RAB30: variants seen among roughly 807,000 people sequenced by gnomAD.
RAB30 encodes the protein RAB30, member RAS oncogene family.
RAB30 carries 9 observed loss-of-function variants against 25.1 expected under a neutral mutation model. The ratio of observed to expected loss-of-function variants is 0.36; its 90% CI spans 0.22 to 0.63. RAB30 has a LOEUF of 0.63. Ranked by LOEUF, RAB30 falls within the 20% of genes least tolerant of loss-of-function variation. The pLI is 0.69. For synonymous variants in RAB30, 77 were observed against 86.4 expected (o/e 0.89, Z 0.60); for missense variants, 140 against 243.5 (o/e 0.58, Z 2.83).
intron 1 of RAB30, among the ~76,000 whole-genome samples, chr11:83,057,206 T>G (rs1858475338): frequency 6.6e-6 from 1 of 152,122 alleles, no homozygotes; most frequent in African/African-American, 2.4e-5. Flanking sequence ...TGAGGGTTTT[T>G]TTTTTTTTTA....
At chr11:83,013,246 G>T (rs563974890) in intron 1 of RAB30, among the ~76,000 whole-genome samples, 26 of 152,120 alleles carry the variant, frequency 1.7e-4, no homozygotes, top group Admixed American at 6.5e-4. Context: ...ACCATGCCTG[G>T]CTAATTTTTG....
chr11:83,010,761 A>G (rs1034856493), intron 1 of RAB30, among the ~76,000 whole-genome samples: 12 of 152,324 alleles, frequency 7.9e-5, no homozygotes, highest in African/African-American at 2.9e-4. Context: ...ACTTTAGGGA[A>G]ATAACTGAAC....
intron 1 of RAB30, among the ~76,000 whole-genome samples, chr11:83,005,177 T>C (rs1857159868): frequency 6.6e-6 from 1 of 152,196 alleles, no homozygotes; most frequent in African/African-American, 2.4e-5. Context: ...GCTCTAATCA[T>C]TCATTCTGCA....
chr11:82,997,248 C>G lies in RAB30; in HGVS notation c.69G>C (p.Thr23=). Residue 23 remains threonine, a synonymous_variant, in exon 2 of 5, where the codon ACG becomes ACC. Transcript: ENST00000527633. The stretch of plus-strand genomic sequence containing the variant: ...CCTGAGTGAATCTTCGGACGAGGCA[C>G]GTCTTCCCCACACCAGCGTTGCCAA... ...VLIGNAGVGK[T]CLVRRFTQGL... is the part of the protein sequence containing the mutation. The G allele has an allele frequency of 6.2e-7, 1 of 1,612,016 alleles. No individual in the cohort carries two copies. Among genetic ancestry groups the G allele is most frequent in the African/African-American group, 1.3e-5 (1 of 74,964 alleles).
chr11:83,043,958 T>C (rs1233524306), intron 1 of RAB30, among the ~76,000 whole-genome samples: 1 of 152,184 alleles, frequency 6.6e-6, no homozygotes, highest in Non-Finnish European at 1.5e-5. Context: ...TATGATATAG[T>C]TAAATGAAAG....
chr11:82,985,685 G>A (rs1042156857), intron 4 of RAB30, among the ~76,000 whole-genome samples: 2 of 148,440 alleles, frequency 1.3e-5, no homozygotes, highest in Non-Finnish European at 3.0e-5. Context: ...AGATGTAGCT[G>A]TCAATTACAA....
At chr11:83,061,882 A>G (rs1395045711) in intron 1 of RAB30, among the ~76,000 whole-genome samples, 1 of 151,320 alleles carries the variant, frequency 6.6e-6, no homozygotes, top group Non-Finnish European at 1.5e-5. Flanking sequence ...AAGGTTTGAA[A>G]GGTTTCGAAT....
At chr11:83,014,684 AAGAAAG>A (rs1857390958) in intron 1 of RAB30, among the ~76,000 whole-genome samples, 1 of 141,098 alleles carries the variant, frequency 7.1e-6, no homozygotes, top group Admixed American at 7.0e-5. Context: ...GAAAGAAAGA[AAGAAAG>A]AAAGAGAAAG....
At position 82,978,075 on chromosome 11, in the gene RAB30, TTTGTCTGAA is replaced by T. The variant is rs1469773041; in HGVS notation, c.*4081_*4089del. ...ACCATGCTGCTTAAATGGAACACAT[TTTGTCTGAA>T]GGATGAGAAGCAAATGTTGTTTCAC... On this transcript the variant is annotated 3_prime_UTR_variant, in exon 5 of 5. Transcript: ENST00000527633. 2 of 152,198 alleles carry T rather than the reference TTTGTCTGAA, an allele frequency of 1.3e-5. No individual in the cohort carries two copies. Among genetic ancestry groups the T allele is most frequent in the Non-Finnish European group, 2.9e-5 (2 of 68,022 alleles). The allele number at this position is 152,198 out of a possible 1,614,324, so 9.4% of individuals were successfully genotyped here. A position where few individuals can be genotyped will look rare whatever the true frequency, so the allele number is the denominator to read the frequency against.
intron 1 of RAB30, among the ~76,000 whole-genome samples, chr11:83,041,965 C>G (rs1858127218): frequency 6.6e-6 from 1 of 151,192 alleles, no homozygotes; most frequent in South Asian, 2.1e-4. Flanking sequence ...TCGCTTGAAC[C>G]CGGGAGGTGG....
chr11:82,994,185 C>T, intron 2 of RAB30, 63 bp from the exon 3 acceptor site: 1 of 1,421,546 alleles, frequency 7.0e-7, no homozygotes. Flanking sequence ...AAATTTTCTC[C>T]TCTCCCCCAG....
At chr11:83,063,458 T>G (rs1271024807) in intron 1 of RAB30, among the ~76,000 whole-genome samples, 1 of 152,250 alleles carries the variant, frequency 6.6e-6, no homozygotes, top group African/African-American at 2.4e-5. Context: ...GGAAAACTCT[T>G]GACTGCTTTA....
At chr11:83,048,157 T>C (rs2121517358) in intron 1 of RAB30, among the ~76,000 whole-genome samples, 1 of 152,198 alleles carries the variant, frequency 6.6e-6, no homozygotes, top group South Asian at 2.1e-4. Context: ...AAATCTCACC[T>C]TCTCCCCAGG....
intron 1 of RAB30, among the ~76,000 whole-genome samples, chr11:83,000,972 A>G (rs11233406): frequency 0.57 from 85,302 of 148,868 alleles, 24,936 homozygotes; most frequent in African/African-American, 0.72. Flanking sequence ...GCGTGAACCC[A>G]GAAGGCAGAG....
intron 1 of RAB30, among the ~76,000 whole-genome samples, chr11:83,051,010 G>T (rs2121518043): frequency 6.6e-6 from 1 of 152,218 alleles, no homozygotes; most frequent in Non-Finnish European, 1.5e-5. Flanking sequence ...TTTTCTTCCT[G>T]GGCAAACAGG....
intron 1 of RAB30, among the ~76,000 whole-genome samples, chr11:83,012,614 A>G (rs1470619854): frequency 6.6e-6 from 1 of 152,176 alleles, no homozygotes; most frequent in East Asian, 1.9e-4. Flanking sequence ...ACAAATAGGG[A>G]TAATAACAGT....
chr11:83,068,385 C>G (rs983203578), intron 1 of RAB30, among the ~76,000 whole-genome samples: 2 of 151,984 alleles, frequency 1.3e-5, no homozygotes, highest in African/African-American at 4.8e-5. Flanking sequence ...ATACAGACGA[C>G]AAAAATTATT....
chr11:83,037,088 T>C lies in RAB30; in HGVS notation c.-9+34603A>G, dbSNP rs1272254704. Among the ~76,000 whole-genome samples the C allele has an allele frequency of 4.0e-5, 6 of 151,578 alleles. No homozygotes were observed. In the East Asian group the frequency reaches 9.7e-4, roughly 24 times the overall value. On this transcript the variant is annotated intron_variant, in intron 1 of 4. Transcript: ENST00000527633. ...GTAGGGAGTGGGCAAGACTTAAGAA[T>C]AGGGGAGAGATAATGGTGGCCTGGA... is the stretch of plus-strand genomic sequence containing the variant.
At chr11:82,993,784 C>T (rs1418381513) in intron 3 of RAB30, among the ~76,000 whole-genome samples, 1 of 152,198 alleles carries the variant, frequency 6.6e-6, no homozygotes, top group Non-Finnish European at 1.5e-5. Context: ...CTTTATGTCA[C>T]TTGTGACATG....
Sources: allele counts gnomAD v4.1 joint callset (sites outside exome capture counted in the v4.1 genomes callset), GRCh38; gene constraint gnomAD v4.1.1; transcripts MANE v1.5; gene names NCBI Gene and HGNC (gene_info 2026-07-23, HGNC 2026-07-21).